The following ATXN1 variants were observed in gnomAD, a reference collection of about 807,000 sequenced individuals.
ATXN1 encodes ataxin 1, also known as ataxin-1.
Under a neutral mutation model 56.4 loss-of-function variants are expected in ATXN1, and 8 were observed. That is an observed-to-expected ratio of 0.14 (90% CI 0.08 to 0.26). The LOEUF is 0.26. Among genes scored for constraint, ATXN1 ranks in the 10% least tolerant of loss-of-function variants. The probability of loss-of-function intolerance (pLI) is 1.00; values close to 1 mark genes in which losing one functional copy is unlikely to be tolerated. For synonymous variants in ATXN1, 514 were observed against 494.6 expected, an observed-to-expected ratio of 1.04 and a Z score of -0.52; for missense variants, 987 against 1,106.5, an observed-to-expected ratio of 0.89 and a Z score of 1.53.
At chr6:16,642,718 A>G (rs1195422197) in intron 3 of ATXN1, among the ~76,000 whole-genome samples, 1 of 152,230 alleles carries the variant, frequency 6.6e-6, no homozygotes, top group Non-Finnish European at 1.5e-5. Flanking sequence ...TCCCTAAATC[A>G]GTCAGCAGCC....
At chr6:16,408,515 T>TA (rs34769591) in intron 6 of ATXN1, among the ~76,000 whole-genome samples, 21,551 of 136,776 alleles carry the variant, frequency 0.16, 1,761 homozygotes, top group Non-Finnish European at 0.2. Flanking sequence ...ATGAGGATGG[T>TA]AAAAAAAAAA....
At chr6:16,332,164 C>A (rs1761007127) in intron 6 of ATXN1, among the ~76,000 whole-genome samples, 1 of 152,168 alleles carries the variant, frequency 6.6e-6, no homozygotes, top group Non-Finnish European at 1.5e-5. Flanking sequence ...CAGTGCAGCA[C>A]GGAGCAGACA....
intron 2 of ATXN1, among the ~76,000 whole-genome samples, chr6:16,669,667 C>CTTTTTTTTTTTTTTTTTTTTTTTTTTTTT (rs11356086): frequency 1.8e-5 from 2 of 113,132 alleles, no homozygotes; most frequent in Non-Finnish European, 3.6e-5. Context: ...ACTGAACAAT[C>CTTTTTTTTTTTTTTTTTTTTTTTTTTTTT]TTTTTTTTTT....
chr6:16,412,950 G>A (rs559061812), intron 6 of ATXN1, among the ~76,000 whole-genome samples: 54 of 152,292 alleles, frequency 3.5e-4, no homozygotes, highest in African/African-American at 1.1e-3. Context: ...AAGTGGATGA[G>A]GGCTGGCCAC....
chr6:16,400,200 G>A (rs915715400), intron 6 of ATXN1, among the ~76,000 whole-genome samples: 1 of 152,094 alleles, frequency 6.6e-6, no homozygotes, highest in African/African-American at 2.4e-5. Context: ...TTTCCACTCT[G>A]CCCTCTGAAT....
intron 6 of ATXN1, among the ~76,000 whole-genome samples, chr6:16,449,229 A>G (rs989561386): frequency 2.0e-5 from 3 of 152,182 alleles, no homozygotes; most frequent in Non-Finnish European, 4.4e-5. Context: ...TGAGTGTATC[A>G]TGGACAATTA....
intron 2 of ATXN1, among the ~76,000 whole-genome samples, chr6:16,684,252 T>C (rs955081017): frequency 6.6e-6 from 1 of 152,210 alleles, no homozygotes; most frequent in African/African-American, 2.4e-5. Context: ...TTTATTGGAT[T>C]CTTTATGGGA....
intron 6 of ATXN1, among the ~76,000 whole-genome samples, chr6:16,366,377 CT>C (rs533675577): frequency 1.9e-4 from 29 of 152,248 alleles, no homozygotes; most frequent in African/African-American, 7.0e-4. Flanking sequence ...CCGCTGACCC[CT>C]TTGCAACAAT....
intron 6 of ATXN1, among the ~76,000 whole-genome samples, chr6:16,382,537 T>C (rs1414975820): frequency 1.3e-5 from 2 of 152,154 alleles, no homozygotes; most frequent in Non-Finnish European, 2.9e-5. Context: ...AAATTAATAA[T>C]GCAAAGAAGT....
At chr6:16,411,205 T>C (rs1034652695) in intron 6 of ATXN1, among the ~76,000 whole-genome samples, 1 of 151,832 alleles carries the variant, frequency 6.6e-6, no homozygotes, top group African/African-American at 2.4e-5. Context: ...TAAAGATGCT[T>C]GCTGAAATCA....
intron 6 of ATXN1, among the ~76,000 whole-genome samples, chr6:16,459,533 T>C (rs529134818): frequency 1.3e-5 from 2 of 152,328 alleles, no homozygotes; most frequent in South Asian, 4.1e-4. Context: ...AATTCCTCTA[T>C]ATCCGGTTGT....
Position 16,541,536 on chromosome 6 carries a change from G to T in ATXN1, c.-360-18848C>A, listed in dbSNP as rs766248964. Reference sequence around the variant, plus strand: ...ACCAGCCAGGGCAGAAGAAGTCAAAGTGTGCTCAAGGGCTTTGCACGCTGC... The same window carrying T: ...ACCAGCCAGGGCAGAAGAAGTCAAATTGTGCTCAAGGGCTTTGCACGCTGC... On this transcript the variant is annotated intron_variant, in intron 4 of 7. Transcript: ENST00000436367. 2.0e-5 allele frequency among the ~76,000 whole-genome samples: 3 copies of T among 152,220 alleles called. No individual in the cohort carries two copies. The South Asian group carries it at 6.2e-4, about 31-fold the overall frequency.
At chr6:16,552,708 G>A (rs963264249) in intron 4 of ATXN1, among the ~76,000 whole-genome samples, 1 of 152,208 alleles carries the variant, frequency 6.6e-6, no homozygotes, top group African/African-American at 2.4e-5. Context: ...ATTACTATCC[G>A]CTGTACAGCC....
Position 16,301,101 on chromosome 6 carries a change from A to ATTTT in ATXN1, c.*5227_*5228insAAAA, listed in dbSNP as rs1554135817. ...CCTTCTCTGCTTTTTTTTTTTTACA[A>ATTTT]ACAAAGTATGAAACTCATTGTTTCA... On this transcript the variant is annotated 3_prime_UTR_variant, in exon 8 of 8. Coordinates refer to ENST00000436367, the MANE Select transcript of ATXN1 (RefSeq NM_001128164.2). The ATTTT allele has an allele frequency of 2.3e-5, 3 of 132,016 alleles. No homozygotes were observed. Among genetic ancestry groups the ATTTT allele is most frequent in the Admixed American group, 7.9e-5 (1 of 12,586 alleles). The allele number at this position is 132,016 out of a possible 1,614,324, so 8.2% of individuals were successfully genotyped here.
chr6:16,371,048 A>G (rs1762030710), intron 6 of ATXN1, among the ~76,000 whole-genome samples: 1 of 152,172 alleles, frequency 6.6e-6, no homozygotes, highest in South Asian at 2.1e-4. Context: ...AAATTAAGAG[A>G]ATGCAATAAA....
At chr6:16,417,419 G>A (rs952684689) in intron 6 of ATXN1, among the ~76,000 whole-genome samples, 1 of 143,436 alleles carries the variant, frequency 7.0e-6, no homozygotes, top group Non-Finnish European at 1.6e-5. Flanking sequence ...ATCAAGTAGA[G>A]AGAGGGAGTT....
intron 6 of ATXN1, among the ~76,000 whole-genome samples, chr6:16,392,481 G>A (rs973734545): frequency 6.6e-6 from 1 of 151,320 alleles, no homozygotes; most frequent in Admixed American, 6.6e-5. Context: ...CTGATGTGCA[G>A]ACATTTTTTC....
At chr6:16,515,861 C>A (rs1408976143) in intron 5 of ATXN1, among the ~76,000 whole-genome samples, 2 of 152,136 alleles carry the variant, frequency 1.3e-5, no homozygotes, top group Non-Finnish European at 2.9e-5. Flanking sequence ...GGGATGGAAT[C>A]ATGGAAGCAT....
At chr6:16,597,268 T>G (rs1042959446) in intron 3 of ATXN1, among the ~76,000 whole-genome samples, 16 of 152,200 alleles carry the variant, frequency 1.1e-4, no homozygotes, top group Non-Finnish European at 2.9e-5. Flanking sequence ...GTATAAGACA[T>G]AGGTACATGC....
Sources: allele counts gnomAD v4.1 joint callset (sites outside exome capture counted in the v4.1 genomes callset), GRCh38; gene constraint gnomAD v4.1.1; transcripts MANE v1.5; gene names NCBI Gene and HGNC (gene_info 2026-07-23, HGNC 2026-07-21).